PNLIPRP3: variants seen among roughly 807,000 people sequenced by gnomAD.
The protein encoded by PNLIPRP3 is pancreatic lipase related protein 3.
PNLIPRP3 carries 58 observed loss-of-function variants against 52.8 expected under a neutral mutation model. The ratio of observed to expected loss-of-function variants is 1.10; its 90% CI spans 0.89 to 1.37. PNLIPRP3 has a LOEUF of 1.37. Among genes scored for constraint, PNLIPRP3 ranks in the 40% most tolerant of loss-of-function variants. The pLI, the probability that PNLIPRP3 is intolerant of heterozygous loss-of-function variation, is 0.00. For missense variants in PNLIPRP3, 593 were observed against 561.6 expected, an observed-to-expected ratio of 1.06 and a Z score of -0.57; for synonymous variants, 192 against 185.0, an observed-to-expected ratio of 1.04 and a Z score of -0.31.
intron 2 of PNLIPRP3, among the ~76,000 whole-genome samples, chr10:116,442,003 T>C (rs1049799246): frequency 2.6e-5 from 4 of 152,204 alleles, no homozygotes; most frequent in Admixed American, 6.5e-5. Context: ...GTATGATTAA[T>C]TGCATTACTA....
At chr10:116,444,606 C>A in intron 4 of PNLIPRP3, 93 bp downstream of exon 4, 2 of 1,256,832 alleles carry the variant, frequency 1.6e-6, no homozygotes, top group Non-Finnish European at 2.3e-6. Flanking sequence ...TTTTTATTAG[C>A]TTAGACAGGT....
At chr10:116,444,029 C>A (rs911369742) in intron 3 of PNLIPRP3, among the ~76,000 whole-genome samples, 3 of 151,694 alleles carry the variant, frequency 2.0e-5, no homozygotes, top group Admixed American at 6.6e-5. Flanking sequence ...CCTCAGGAAA[C>A]TTACAATCAC....
chr10:116,469,587 A>G (rs1846334025), intron 9 of PNLIPRP3, among the ~76,000 whole-genome samples: 1 of 152,216 alleles, frequency 6.6e-6, no homozygotes, highest in African/African-American at 2.4e-5. Context: ...TTTCGAGGAA[A>G]AGAGATTTCT....
Position 116,477,073 on chromosome 10 carries a change from TCC to T in PNLIPRP3, c.1341-16_1341-15del. ...ATCAGGTTAAAATTCCTTTTTTTTTTCCTTAAAAACTTTCAGATCTACCTTCT... is the reference window on the plus strand; with the variant it reads ...ATCAGGTTAAAATTCCTTTTTTTTTTTTAAAAACTTTCAGATCTACCTTCT... On this transcript the variant is annotated splice_polypyrimidine_tract_variant and intron_variant, in intron 11 of 11. Transcript: ENST00000369230. 3 of 1,559,398 alleles carry T rather than the reference TCC, an allele frequency of 1.9e-6. No homozygotes were observed. The highest frequency in any genetic ancestry group is 1.2e-5 in the South Asian group (1 of 86,620).
chr10:116,470,725 G>A (rs1276875205), intron 9 of PNLIPRP3, among the ~76,000 whole-genome samples: 1 of 151,972 alleles, frequency 6.6e-6, no homozygotes, highest in East Asian at 1.9e-4. Flanking sequence ...AGCCAGGATG[G>A]TCTCCATCTC....
Position 116,477,488 on chromosome 10 carries a change from G to T in PNLIPRP3, c.*335G>T, listed in dbSNP as rs1257068818. 1 of 176,392 alleles carries T rather than the reference G, an allele frequency of 5.7e-6. No individual in the cohort carries two copies. The highest frequency in any genetic ancestry group is 2.4e-5 in the African/African-American group (1 of 42,280). The allele number at this position is 176,392 out of a possible 1,614,324, so 10.9% of individuals were successfully genotyped here. A position where few individuals can be genotyped will look rare whatever the true frequency, so the allele number is the denominator to read the frequency against. On this transcript the variant is annotated 3_prime_UTR_variant, in exon 12 of 12. Transcript: ENST00000369230. ...GTATAAACTCACTGGACAAAAGTAAGCCTCTGGCTTGCTGAGTTTTTGAAG... is the reference window on the plus strand; with the variant it reads ...GTATAAACTCACTGGACAAAAGTAATCCTCTGGCTTGCTGAGTTTTTGAAG...
Position 116,427,905 on chromosome 10 carries a change from A to AC in PNLIPRP3, c.-108_-107insC. 1 of 810,524 alleles carries AC rather than the reference A, an allele frequency of 1.2e-6. No homozygotes were observed. Among genetic ancestry groups the AC allele is most frequent in the Non-Finnish European group, 2.1e-6 (1 of 468,432 alleles). 50.2% of individuals were successfully genotyped at this position (810,524 alleles called of 1,614,324 possible). A position where few individuals can be genotyped will look rare whatever the true frequency, so the allele number is the denominator to read the frequency against. Reference sequence around the variant, plus strand: ...GTTCTTTTAAACGTAGAGTTTAAACATTGAGTTGCATCATTGTGAGGAAAA... The same window carrying AC: ...GTTCTTTTAAACGTAGAGTTTAAACACTTGAGTTGCATCATTGTGAGGAAAA... On this transcript the variant is annotated 5_prime_UTR_variant, in exon 1 of 12. Transcript: ENST00000369230.
At chr10:116,451,432 G>A (rs746404854) in intron 4 of PNLIPRP3, among the ~76,000 whole-genome samples, 24 of 152,136 alleles carry the variant, frequency 1.6e-4, no homozygotes, top group Non-Finnish European at 2.8e-4. Context: ...AGACAAAGAG[G>A]AGGATGTGCT....
chr10:116,449,756 A>G (rs1846008612), intron 4 of PNLIPRP3, among the ~76,000 whole-genome samples: 1 of 152,212 alleles, frequency 6.6e-6, no homozygotes, highest in Non-Finnish European at 1.5e-5. Flanking sequence ...AATGGACCTA[A>G]CACATGTGCA....
chr10:116,475,760 T>A (rs1021169319), intron 10 of PNLIPRP3, among the ~76,000 whole-genome samples: 3 of 152,080 alleles, frequency 2.0e-5, no homozygotes, highest in South Asian at 2.1e-4. Context: ...AGTAGACAAA[T>A]GATACATTAA....
chr10:116,469,529 T>C (rs1371027746), intron 9 of PNLIPRP3, among the ~76,000 whole-genome samples: 2 of 152,202 alleles, frequency 1.3e-5, no homozygotes, highest in Non-Finnish European at 2.9e-5. Context: ...ATAAACTTTC[T>C]CTTAGGAAAC....
At chr10:116,460,878 A>C (rs926155276) in intron 5 of PNLIPRP3, 88 bp from the exon 6 acceptor site, 2 of 1,509,440 alleles carry the variant, frequency 1.3e-6, no homozygotes, top group African/African-American at 2.8e-5. Flanking sequence ...ATTGATAGAA[A>C]TAATGTAGGA....
chr10:116,440,824 C>T (rs1449027704), intron 2 of PNLIPRP3, among the ~76,000 whole-genome samples: 1 of 152,150 alleles, frequency 6.6e-6, no homozygotes, highest in Non-Finnish European at 1.5e-5. Flanking sequence ...CCGGTAGTTT[C>T]TGTGTCTGCA....
intron 2 of PNLIPRP3, among the ~76,000 whole-genome samples, chr10:116,442,330 T>G (rs1845870758): frequency 1.3e-5 from 2 of 152,202 alleles, no homozygotes; most frequent in African/African-American, 4.8e-5. Context: ...TGTGATGAGA[T>G]TCTAACCTCA....
chr10:116,428,059 G>A lies in PNLIPRP3; in HGVS notation c.47G>A (p.Arg16Lys), dbSNP rs1178925562. 6.2e-7 allele frequency: 1 copy of A among 1,600,940 alleles called. No homozygotes were observed. The highest frequency in any genetic ancestry group is 2.2e-5 in the East Asian group (1 of 44,628). The part of the protein sequence containing the change: ...IVAFLFFGTS[R>K]GKEVCYERLG... ...GCATTCTTGTTCTTTGGCACATCAA[G>A]AGGTAAGATTCATAATTTATAATAA... The change falls in exon 1 of 12, where the codon AGA becomes AAA. Residue 16 changes from arginine (R) to lysine (K), a missense_variant and splice_region_variant. Coordinates refer to ENST00000369230, the MANE Select transcript of PNLIPRP3 (RefSeq NM_001011709.3).
At chr10:116,472,063 T>G (rs967128517) in intron 10 of PNLIPRP3, among the ~76,000 whole-genome samples, 184 bp downstream of exon 10, 5 of 152,190 alleles carry the variant, frequency 3.3e-5, no homozygotes, top group African/African-American at 1.2e-4. Flanking sequence ...AATATGTATT[T>G]TCTCTACAGT....
At chr10:116,448,002 G>C (rs1589980528) in intron 4 of PNLIPRP3, among the ~76,000 whole-genome samples, 1 of 122,320 alleles carries the variant, frequency 8.2e-6, no homozygotes, top group African/African-American at 2.9e-5. Flanking sequence ...AGGAGAGAGA[G>C]AGAGAGAAAA....
At position 116,477,254 on chromosome 10, in the gene PNLIPRP3, T is replaced by C; in HGVS notation, c.*101T>C. Reference sequence around the variant, plus strand: ...CCAAATTTGACCCTTGTAAATGACTTAGTCATTTACAAGGGTCTTACTCAG... The same window carrying C: ...CCAAATTTGACCCTTGTAAATGACTCAGTCATTTACAAGGGTCTTACTCAG... On this transcript the variant is annotated 3_prime_UTR_variant, in exon 12 of 12. Transcript: ENST00000369230. 11 of 922,800 alleles carry C rather than the reference T, an allele frequency of 1.2e-5. No homozygotes were observed. Among genetic ancestry groups the C allele is most frequent in the Non-Finnish European group, 1.8e-5 (11 of 604,058 alleles). 57.2% of individuals were successfully genotyped at this position (922,800 alleles called of 1,614,324 possible). A position where few individuals can be genotyped will look rare whatever the true frequency, so the allele number is the denominator to read the frequency against.
intron 8 of PNLIPRP3, among the ~76,000 whole-genome samples, chr10:116,466,539 T>C (rs1391130761): frequency 2.6e-5 from 4 of 152,218 alleles, no homozygotes; most frequent in Non-Finnish European, 5.9e-5. Context: ...GCTGAACCAA[T>C]CAATAGCTAC....
Sources: gnomAD v4.1 joint callset for allele counts (sites outside exome capture counted in the v4.1 genomes callset) on GRCh38, gnomAD v4.1.1 for gene constraint, MANE v1.5 for transcripts, NCBI Gene and HGNC (gene_info 2026-07-23, HGNC 2026-07-21) for gene names.